ACBD3: variants seen among roughly 807,000 people sequenced by gnomAD.
ACBD3 encodes the protein Golgi resident protein GCP60.
ACBD3 carries 30 observed loss-of-function variants against 66.9 expected under a neutral mutation model. The observed-to-expected ratio is 0.45, with a 90% CI of 0.34 to 0.61. The LOEUF (loss-of-function observed/expected upper bound fraction) is 0.61. ACBD3 is among the 20% of genes least tolerant of loss of function. ACBD3 has a pLI of 0.02. For missense variants in ACBD3, 544 were observed against 664.5 expected (o/e 0.82, Z 1.99); for synonymous variants, 278 against 259.8 (o/e 1.07, Z -0.68).
At chr1:226,181,785 C>T (rs115681890) in intron 1 of ACBD3, among the ~76,000 whole-genome samples, 2,436 of 152,182 alleles carry the variant, frequency 0.016, 65 homozygotes, top group African/African-American at 0.054. Flanking sequence ...AGGAAAAGTC[C>T]ACCCCAAAGA....
intron 1 of ACBD3, among the ~76,000 whole-genome samples, chr1:226,184,424 A>G (rs1287404182): frequency 2.0e-5 from 3 of 152,192 alleles, no homozygotes; most frequent in Non-Finnish European, 4.4e-5. Flanking sequence ...CACACCTATC[A>G]GTGTAGCTTT....
chr1:226,154,958 T>C (rs1659644778), intron 5 of ACBD3, 125 bp from the exon 6 acceptor site: 1 of 641,086 alleles, frequency 1.6e-6, no homozygotes, highest in South Asian at 4.8e-5. Flanking sequence ...AAATTACTAA[T>C]AAATTTTTAT....
intron 1 of ACBD3, among the ~76,000 whole-genome samples, chr1:226,183,442 A>C (rs1055963393): frequency 2.0e-5 from 3 of 150,598 alleles, no homozygotes; most frequent in East Asian, 4.1e-4. Context: ...TCGGCCTCCC[A>C]AAGTGCTGGG....
intron 3 of ACBD3, 142 bp from the exon 4 acceptor site, chr1:226,161,831 C>A: frequency 2.2e-6 from 2 of 892,344 alleles, no homozygotes; most frequent in Non-Finnish European, 3.3e-6. Flanking sequence ...ATACACTTTA[C>A]TAGCAGAAAC....
intron 1 of ACBD3, among the ~76,000 whole-genome samples, chr1:226,178,833 T>A (rs757189983): frequency 1.9e-4 from 29 of 152,224 alleles, no homozygotes; most frequent in Non-Finnish European, 2.9e-5. Context: ...TATGCTTGAA[T>A]ACTTCCTGGT....
chr1:226,186,434 A>G lies in ACBD3; in HGVS notation c.242T>C (p.Phe81Ser). ...CAGGCCGTACAACTCCTCCAGGCCG[A>G]AACCCCAGCGCTGCTCCAGCCGCCG... Reference protein sequence around the residue: ...EARRLEQRWGFGLEELYGLAL... With the variant: ...EARRLEQRWGSGLEELYGLAL... Residue 81 changes from phenylalanine to serine, a missense_variant, in exon 1 of 8, where the codon TTC (phenylalanine) becomes TCC (serine). Phe to Ser is a radical substitution (Grantham distance 155). Transcript: ENST00000366812. 1 of 1,525,974 alleles carries G rather than the reference A, an allele frequency of 6.6e-7. No homozygotes were observed. Among genetic ancestry groups the G allele is most frequent in the African/African-American group, 1.4e-5 (1 of 69,352 alleles). 94.5% of individuals were successfully genotyped at this position (1,525,974 alleles called of 1,614,324 possible).
chr1:226,171,897 T>C (rs1435645777), intron 1 of ACBD3, among the ~76,000 whole-genome samples: 2 of 151,884 alleles, frequency 1.3e-5, no homozygotes, highest in Non-Finnish European at 2.9e-5. Context: ...GGCTCATGCC[T>C]GTAATCCCGG....
chr1:226,176,923 T>G (rs1656048067), intron 1 of ACBD3, among the ~76,000 whole-genome samples: 1 of 152,212 alleles, frequency 6.6e-6, no homozygotes, highest in Non-Finnish European at 1.5e-5. Context: ...TTGTTAGAAA[T>G]TGTTTATTAA....
chr1:226,186,351 C>A (rs1388842943), intron 1 of ACBD3, 39 bp downstream of exon 1: 2 of 1,474,686 alleles, frequency 1.4e-6, no homozygotes, highest in East Asian at 5.9e-5. Flanking sequence ...GCTCCCGGGG[C>A]CGGGCAGAAG....
intron 1 of ACBD3, among the ~76,000 whole-genome samples, chr1:226,182,186 G>A (rs1022583197): frequency 2.0e-5 from 3 of 151,292 alleles, no homozygotes; most frequent in Non-Finnish European, 4.4e-5. Flanking sequence ...AGCCAAGATC[G>A]CACTACTGCC....
chr1:226,174,707 A>G (rs1655983665), intron 1 of ACBD3, among the ~76,000 whole-genome samples: 1 of 152,212 alleles, frequency 6.6e-6, no homozygotes, highest in Non-Finnish European at 1.5e-5. Flanking sequence ...CAGACGTTGC[A>G]GTGAGCCAAG....
chr1:226,154,890 T>C, intron 5 of ACBD3, 57 bp from the exon 6 acceptor site: 1 of 1,493,598 alleles, frequency 6.7e-7, no homozygotes, highest in Non-Finnish European at 9.0e-7. Flanking sequence ...AAATAAGACA[T>C]CTGCCCTGGA....
In ACBD3 at chr1:226,144,986, T is replaced by A. The variant is rs1321850740; in HGVS notation, c.*1624A>T. On this transcript the variant is annotated 3_prime_UTR_variant, in exon 8 of 8. Coordinates refer to ENST00000366812, the MANE Select transcript of ACBD3 (RefSeq NM_022735.4). Reference sequence around the variant, plus strand: ...TTTTACATTTTAAATACAGTATTTTTCTCATAAAAAAAAAATCCAGGAAGT... The same window carrying A: ...TTTTACATTTTAAATACAGTATTTTACTCATAAAAAAAAAATCCAGGAAGT... 5 of 148,640 alleles carry A rather than the reference T, an allele frequency of 3.4e-5. No homozygotes were observed. The highest frequency in any genetic ancestry group is 7.6e-5 in the Non-Finnish European group (5 of 66,126). The allele number at this position is 148,640 out of a possible 1,614,324, so 9.2% of individuals were successfully genotyped here.
chr1:226,152,236 T>C, intron 7 of ACBD3, 99 bp downstream of exon 7: 1 of 1,443,356 alleles, frequency 6.9e-7, no homozygotes, highest in South Asian at 1.3e-5. Context: ...AACCATGAAG[T>C]GTTAGTCAGG....
Position 226,186,668 on chromosome 1 carries a change from G to C in ACBD3, c.8C>G (p.Ala3Gly), listed in dbSNP as rs759374832. ...CTCGAGTCGCTCTGCGTTCAGCACC[G>C]CCGCCATCTCCGGCTGCTGCACCTC... Reference protein sequence around the residue: MAAVLNAERLEVS... With the variant: MAGVLNAERLEVS... Residue 3 changes from alanine to glycine, a missense_variant, in exon 1 of 8, where the codon GCG becomes GGG. Physicochemically the swap from Ala to Gly is moderately conservative, Grantham distance 60 (BLOSUM62 0). This residue lies in a region of ACBD3 where 137 missense variants were observed against 145.9 expected (regional missense o/e 0.94). Transcript: ENST00000366812. 12 of 1,502,768 alleles carry C rather than the reference G, an allele frequency of 8.0e-6. No individual in the cohort carries two copies. The African/African-American group carries it at 1.1e-4, about 14-fold the overall frequency. The allele number at this position is 1,502,768 out of a possible 1,614,324, so 93.1% of individuals were successfully genotyped here. A position where few individuals can be genotyped will look rare whatever the true frequency, so the allele number is the denominator to read the frequency against.
In ACBD3 at chr1:226,145,488, A is replaced by G. The variant is rs1659429189; in HGVS notation, c.*1122T>C. On this transcript the variant is annotated 3_prime_UTR_variant, in exon 8 of 8. Coordinates refer to ENST00000366812, the MANE Select transcript of ACBD3 (RefSeq NM_022735.4). The stretch of plus-strand genomic sequence containing the variant: ...TACAAATTTGAGGCAATTAATCCAT[A>G]TTTGTTTTCAGTAAGGAAAAAAAGA... 6.6e-6 allele frequency: 1 copy of G among 152,590 alleles called. No individual in the cohort carries two copies. The highest frequency in any genetic ancestry group is 1.9e-4 in the East Asian group (1 of 5,196). The allele number at this position is 152,590 out of a possible 1,614,324, so 9.5% of individuals were successfully genotyped here. A position where few individuals can be genotyped will look rare whatever the true frequency, so the allele number is the denominator to read the frequency against.
In ACBD3 at chr1:226,146,767, T is replaced by C; in HGVS notation, c.1430A>G (p.Asp477Gly). The C allele has an allele frequency of 6.2e-7, 1 of 1,614,120 alleles. No individual in the cohort carries two copies. Among genetic ancestry groups the C allele is most frequent in the Non-Finnish European group, 8.5e-7 (1 of 1,180,020 alleles). ...AKKNANKPLL[D>G]EIVPVYRRDC... Reference sequence around the variant, plus strand: ...CCGTCGGTACACAGGCACAATCTCATCCAGCAAAGGCTTGTTGGCATTCTT... The same window carrying C: ...CCGTCGGTACACAGGCACAATCTCACCCAGCAAAGGCTTGTTGGCATTCTT... The change falls in exon 8 of 8, where the codon GAT (aspartate) becomes GGT (glycine). Residue 477 changes from aspartate (D) to glycine (G), a missense_variant. Transcript: ENST00000366812.
intron 1 of ACBD3, among the ~76,000 whole-genome samples, chr1:226,179,711 A>G (rs897913400): frequency 6.6e-6 from 1 of 152,050 alleles, no homozygotes; most frequent in Non-Finnish European, 1.5e-5. Context: ...TACAAAAATT[A>G]GCCGGGTGTG....
rs762556327 is a variant in ACBD3, at chr1:226,186,669, C to T, written c.7G>A (p.Ala3Thr). The T allele has an allele frequency of 4.7e-6, 7 of 1,502,376 alleles. No individual in the cohort carries two copies. Among genetic ancestry groups the T allele is most frequent in the South Asian group, 3.7e-5 (3 of 81,278 alleles). 93.1% of individuals were successfully genotyped at this position (1,502,376 alleles called of 1,614,324 possible). A position where few individuals can be genotyped will look rare whatever the true frequency, so the allele number is the denominator to read the frequency against. ...TCGAGTCGCTCTGCGTTCAGCACCG[C>T]CGCCATCTCCGGCTGCTGCACCTCC... Reference protein sequence around the residue: MAAVLNAERLEVS... With the variant: MATVLNAERLEVS... Residue 3 changes from alanine (A) to threonine (T), a missense_variant, in exon 1 of 8, where the codon GCG becomes ACG. Ala to Thr is a moderately conservative substitution (Grantham distance 58). Around this residue, in one of 3 missense-constraint regions of ACBD3, gnomAD observed 137 missense variants for 145.9 expected, o/e 0.94. Coordinates refer to ENST00000366812, the MANE Select transcript of ACBD3 (RefSeq NM_022735.4).
Sources: gnomAD v4.1 joint callset for allele counts (sites outside exome capture counted in the v4.1 genomes callset) on GRCh38, gnomAD v4.1.1 for gene constraint, gnomAD v4.1.1 regional missense constraint, MANE v1.5 for transcripts, NCBI Gene and HGNC (gene_info 2026-07-23, HGNC 2026-07-21) for gene names.